DTNBP1: variants seen among roughly 807,000 people sequenced by gnomAD.
The protein encoded by DTNBP1 is dystrobrevin binding protein 1.
Under a neutral mutation model 42.8 loss-of-function variants are expected in DTNBP1, and 35 were observed. The observed-to-expected ratio is 0.82, with a 90% confidence interval of 0.63 to 1.09. The LOEUF is 1.09. DTNBP1 is among the 50% of genes least tolerant of loss of function. The probability of loss-of-function intolerance (pLI) is 0.00; values close to 1 mark genes in which losing one functional copy is unlikely to be tolerated. For missense variants in DTNBP1, 457 were observed against 424.2 expected (o/e 1.08, Z -0.68); for synonymous variants, 171 against 162.2 (o/e 1.05, Z -0.41).
intron 3 of DTNBP1, among the ~76,000 whole-genome samples, chr6:15,646,072 C>G (rs1760662531): frequency 1.3e-5 from 2 of 151,986 alleles, no homozygotes; most frequent in African/African-American, 4.8e-5. Context: ...ACTCATAGAC[C>G]TGATAAACAA....
intron 7 of DTNBP1, among the ~76,000 whole-genome samples, chr6:15,579,629 A>C (rs1033569718): frequency 2.0e-5 from 3 of 152,188 alleles, no homozygotes; most frequent in Non-Finnish European, 4.4e-5. Flanking sequence ...ACATGGTGAA[A>C]CCCTGTCTCT....
At chr6:15,585,155 T>C (rs1776023880) in intron 7 of DTNBP1, among the ~76,000 whole-genome samples, 1 of 145,796 alleles carries the variant, frequency 6.9e-6, no homozygotes. Flanking sequence ...AAATCCATAT[T>C]GAAAATCAGC....
intron 7 of DTNBP1, among the ~76,000 whole-genome samples, chr6:15,539,282 T>C (rs1423026083): frequency 2.0e-5 from 3 of 152,220 alleles, no homozygotes. Flanking sequence ...CAGTACTGGG[T>C]GCCCTCTCTC....
intron 6 of DTNBP1, among the ~76,000 whole-genome samples, chr6:15,604,805 T>C (rs547838662): frequency 3.3e-5 from 5 of 152,260 alleles, no homozygotes; most frequent in South Asian, 2.1e-4. Flanking sequence ...GCATTAACTA[T>C]AGTAGATATA....
rs188993895 is a variant in DTNBP1, at chr6:15,628,605, C to G, written c.223-1130G>C. Among the ~76,000 whole-genome samples, 549 of 151,928 alleles carry G rather than the reference C, an allele frequency of 3.6e-3. 2 individuals are homozygous for G. Among genetic ancestry groups the G allele is most frequent in the African/African-American group, 0.012 (510 of 41,434 alleles). Reference sequence around the variant, plus strand: ...TATTTTTAGTAGAGACAGGGTTTCACCAAGTTGGCCAGGCTGGTTTTGAAC... The same window carrying G: ...TATTTTTAGTAGAGACAGGGTTTCAGCAAGTTGGCCAGGCTGGTTTTGAAC... On this transcript the variant is annotated intron_variant, in intron 4 of 9. Transcript: ENST00000344537.
At chr6:15,624,826 C>T (rs939848993) in intron 5 of DTNBP1, among the ~76,000 whole-genome samples, 2 of 148,910 alleles carry the variant, frequency 1.3e-5, no homozygotes, top group African/African-American at 4.9e-5. Flanking sequence ...AAAAAAAAAA[C>T]CCAGTAAATG....
At chr6:15,613,040 G>A (rs1758500809) in intron 6 of DTNBP1, among the ~76,000 whole-genome samples, 1 of 151,956 alleles carries the variant, frequency 6.6e-6, no homozygotes, top group Non-Finnish European at 1.5e-5. Flanking sequence ...AGGCGTGATG[G>A]CTCACGCCTG....
At chr6:15,586,890 T>C (rs547367002) in intron 7 of DTNBP1, among the ~76,000 whole-genome samples, 1 of 152,330 alleles carries the variant, frequency 6.6e-6, no homozygotes, top group South Asian at 2.1e-4. Flanking sequence ...TATCACATTT[T>C]CCTCTTTGCC....
chr6:15,608,696 G>A (rs1459479573), intron 6 of DTNBP1, among the ~76,000 whole-genome samples: 1 of 152,164 alleles, frequency 6.6e-6, no homozygotes, highest in East Asian at 1.9e-4. Flanking sequence ...TTGGCTGCCT[G>A]GAAATGACTT....
chr6:15,617,468 A>G (rs551755663), intron 5 of DTNBP1, among the ~76,000 whole-genome samples: 1 of 152,320 alleles, frequency 6.6e-6, no homozygotes, highest in East Asian at 1.9e-4. Flanking sequence ...TGACTTCAAA[A>G]TATACTACAA....
chr6:15,564,936 G>A (rs1011913852), intron 7 of DTNBP1, among the ~76,000 whole-genome samples: 2 of 152,126 alleles, frequency 1.3e-5, no homozygotes, highest in Non-Finnish European at 2.9e-5. Flanking sequence ...GCAATATAGT[G>A]AGACACCCAA....
chr6:15,660,211 T>C (rs1048760133), intron 1 of DTNBP1, among the ~76,000 whole-genome samples: 12 of 152,222 alleles, frequency 7.9e-5, no homozygotes, highest in Admixed American at 2.0e-4. Context: ...GCAGCTCACG[T>C]CTCTTTCATC....
intron 7 of DTNBP1, among the ~76,000 whole-genome samples, chr6:15,540,039 C>G (rs1433769525): frequency 6.6e-6 from 1 of 152,208 alleles, no homozygotes; most frequent in Non-Finnish European, 1.5e-5. Context: ...ATTTAAACAA[C>G]AGCCTCTTGA....
At chr6:15,557,504 TA>T (rs1774597974) in intron 7 of DTNBP1, among the ~76,000 whole-genome samples, 1 of 152,206 alleles carries the variant, frequency 6.6e-6, no homozygotes, top group South Asian at 2.1e-4. Context: ...TTTAACAGTT[TA>T]TAAAAGGTTT....
intron 7 of DTNBP1, among the ~76,000 whole-genome samples, chr6:15,549,667 T>C (rs994426382): frequency 6.6e-6 from 1 of 152,078 alleles, no homozygotes; most frequent in African/African-American, 2.4e-5. Context: ...TTGAGGCTCA[T>C]TGTCCTGTCC....
chr6:15,615,073 G>A (rs772770980), intron 6 of DTNBP1, 194 bp downstream of exon 6: 1 of 807,974 alleles, frequency 1.2e-6, no homozygotes, highest in South Asian at 1.4e-5. Flanking sequence ...ACCTTCTCCT[G>A]AGTTTTTTAT....
intron 6 of DTNBP1, among the ~76,000 whole-genome samples, chr6:15,603,090 T>C (rs1390171900): frequency 6.6e-6 from 1 of 152,226 alleles, no homozygotes; most frequent in Non-Finnish European, 1.5e-5. Flanking sequence ...ACTGCCAAGA[T>C]TTATTCTCTA....
intron 1 of DTNBP1, among the ~76,000 whole-genome samples, chr6:15,653,319 C>T (rs894526088): frequency 6.6e-6 from 1 of 152,174 alleles, no homozygotes; most frequent in African/African-American, 2.4e-5. Context: ...AATGCATCTT[C>T]ATCTATTAAC....
chr6:15,526,996 G>C (rs1363958483), intron 8 of DTNBP1, among the ~76,000 whole-genome samples: 1 of 152,126 alleles, frequency 6.6e-6, no homozygotes, highest in Non-Finnish European at 1.5e-5. Context: ...CTGTTTACAG[G>C]AGACAAATAT....
Sources: allele counts gnomAD v4.1 joint callset (sites outside exome capture counted in the v4.1 genomes callset), GRCh38; gene constraint gnomAD v4.1.1; transcripts MANE v1.5; gene names NCBI Gene and HGNC (gene_info 2026-07-23, HGNC 2026-07-21).